Variants in ATF6 observed in about 807,000 individuals in gnomAD.
The protein encoded by ATF6 is cyclic AMP-dependent transcription factor ATF-6 alpha.
A neutral mutation model predicts 83.6 loss-of-function variants in ATF6; 53 were observed. The ratio of observed to expected loss-of-function variants is 0.63; its 90% CI spans 0.51 to 0.80. The LOEUF is 0.80. ATF6 is among the 30% of genes least tolerant of loss of function. The probability of loss-of-function intolerance (pLI) is 0.00; values close to 1 mark genes in which losing one functional copy is unlikely to be tolerated. For synonymous variants in ATF6, 288 were observed against 285.8 expected, an observed-to-expected ratio of 1.01 and a Z score of -0.08; for missense variants, 744 against 797.9, an observed-to-expected ratio of 0.93 and a Z score of 0.81.
At chr1:161,766,992 A>C (rs1351950126) in intron 1 of ATF6, among the ~76,000 whole-genome samples, 2 of 152,186 alleles carry the variant, frequency 1.3e-5, no homozygotes, top group African/African-American at 4.8e-5. Context: ...CTTATGGTGT[A>C]ATCCTGACTG....
chr1:161,879,383 T>C (rs1687280460), intron 14 of ATF6, among the ~76,000 whole-genome samples: 2 of 152,090 alleles, frequency 1.3e-5, no homozygotes, highest in South Asian at 4.1e-4. Context: ...GTCAAATCTC[T>C]GCAACAGAAT....
At chr1:161,851,141 TACACACACACACAC>T (rs35398462) in intron 10 of ATF6, among the ~76,000 whole-genome samples, 3 of 135,872 alleles carry the variant, frequency 2.2e-5, no homozygotes, top group African/African-American at 8.6e-5. Flanking sequence ...ATCCTTAACA[TACACACACACACAC>T]ACACACACAC....
intron 8 of ATF6, among the ~76,000 whole-genome samples, chr1:161,820,047 T>G (rs116481439): frequency 0.013 from 1,980 of 152,306 alleles, 48 homozygotes; most frequent in African/African-American, 0.044. Flanking sequence ...CCTAGGTTTC[T>G]CCTCATTCAT....
chr1:161,877,031 G>A (rs1023099906), intron 14 of ATF6, among the ~76,000 whole-genome samples: 2 of 151,988 alleles, frequency 1.3e-5, no homozygotes, highest in Non-Finnish European at 2.9e-5. Context: ...CTTCTTTGTT[G>A]TATTTAGATA....
At chr1:161,913,846 A>G (rs979169534) in intron 15 of ATF6, among the ~76,000 whole-genome samples, 2 of 152,232 alleles carry the variant, frequency 1.3e-5, no homozygotes, top group African/African-American at 4.8e-5. Context: ...AAGCTTTATC[A>G]AGGCAGAATT....
chr1:161,916,533 A>T (rs1688104786), intron 15 of ATF6, among the ~76,000 whole-genome samples: 1 of 152,210 alleles, frequency 6.6e-6, no homozygotes. Context: ...ACTAAAAAAA[A>T]TTTAACATTG....
At chr1:161,820,616 T>C (rs189281738) in intron 8 of ATF6, among the ~76,000 whole-genome samples, 2 of 152,128 alleles carry the variant, frequency 1.3e-5, no homozygotes, top group African/African-American at 4.8e-5. Context: ...CTGGGTGTAG[T>C]GCACACCTGT....
At chr1:161,821,032 G>A in intron 8 of ATF6, 38 bp from the exon 9 acceptor site, 4 of 1,426,184 alleles carry the variant, frequency 2.8e-6, no homozygotes, top group African/African-American at 2.9e-5. Flanking sequence ...TGAAATCGAT[G>A]TTAGTTTAAT....
At chr1:161,808,869 T>C (rs1685371536) in intron 7 of ATF6, among the ~76,000 whole-genome samples, 1 of 151,968 alleles carries the variant, frequency 6.6e-6, no homozygotes, top group Admixed American at 6.6e-5. Context: ...CCATGCCTGG[T>C]CTTTTTCTTA....
In ATF6 at chr1:161,846,566, G is replaced by C. The variant is rs1686492070; in HGVS notation, c.1305G>C (p.Gln435His). Residue 435 changes from glutamine (Q) to histidine (H), a missense_variant, in exon 10 of 16, where the codon CAG becomes CAC. Physicochemically the swap from Gln to His is conservative, Grantham distance 24. Coordinates refer to ENST00000367942, the MANE Select transcript of ATF6 (RefSeq NM_007348.4). ...EAQDTSDGIIQKNSYRYDHSV... is the reference protein window; with the variant it reads ...EAQDTSDGIIHKNSYRYDHSV... ...AGGACACATCAGATGGTATTATCCAGAAAAACAGCTACAGGTAAGATGGCA... is the reference window on the plus strand; with the variant it reads ...AGGACACATCAGATGGTATTATCCACAAAAACAGCTACAGGTAAGATGGCA... The C allele has an allele frequency of 6.3e-7, 1 of 1,598,960 alleles. No homozygotes were observed. The highest frequency in any genetic ancestry group is 1.3e-5 in the African/African-American group (1 of 74,098).
intron 7 of ATF6, among the ~76,000 whole-genome samples, chr1:161,813,411 G>C (rs1462166400): frequency 6.6e-6 from 1 of 152,124 alleles, no homozygotes; most frequent in Non-Finnish European, 1.5e-5. Flanking sequence ...ATCAGCCCCA[G>C]AATTATTTTG....
intron 9 of ATF6, among the ~76,000 whole-genome samples, chr1:161,825,457 C>T (rs1685871915): frequency 6.6e-6 from 1 of 152,186 alleles, no homozygotes; most frequent in African/African-American, 2.4e-5. Flanking sequence ...CAGGTTGTGA[C>T]CTGTAACTTC....
At chr1:161,904,800 G>C (rs1687851697) in intron 14 of ATF6, among the ~76,000 whole-genome samples, 1 of 152,090 alleles carries the variant, frequency 6.6e-6, no homozygotes, top group Non-Finnish European at 1.5e-5. Flanking sequence ...CTTTAACTAG[G>C]ATTGCAGCTG....
rs1008535747 is a variant in ATF6, at chr1:161,838,188, A to G, written c.1188-8261A>G. 5.3e-5 allele frequency among the ~76,000 whole-genome samples: 8 copies of G among 152,234 alleles called. No homozygotes were observed. The East Asian group carries it at 1.5e-3, about 29-fold the overall frequency. On this transcript the variant is annotated intron_variant, in intron 9 of 15. Transcript: ENST00000367942. ...AACAGAAAAGAGAGATTGTACTCAA[A>G]TTTACAGCCATGTTTTTTGACATTT...
At chr1:161,929,335 A>G (rs1688386787) in intron 15 of ATF6, among the ~76,000 whole-genome samples, 1 of 152,162 alleles carries the variant, frequency 6.6e-6, no homozygotes, top group Non-Finnish European at 1.5e-5. Flanking sequence ...TACATCAGTG[A>G]TAGTGCTGAT....
At chr1:161,791,377 C>T in intron 4 of ATF6, 31 bp from the exon 5 acceptor site, 2 of 1,579,504 alleles carry the variant, frequency 1.3e-6, no homozygotes, top group African/African-American at 1.4e-5. Flanking sequence ...AAGGATTATA[C>T]TCATTAATTT....
At chr1:161,872,493 G>C (rs537842468) in intron 14 of ATF6, among the ~76,000 whole-genome samples, 1 of 151,526 alleles carries the variant, frequency 6.6e-6, no homozygotes, top group Admixed American at 6.6e-5. Context: ...TAGTGTAGGA[G>C]GAACAAGAGC....
intron 14 of ATF6, among the ~76,000 whole-genome samples, chr1:161,888,293 A>G (rs891688041): frequency 7.2e-5 from 11 of 152,244 alleles, no homozygotes; most frequent in African/African-American, 1.2e-4. Flanking sequence ...GTTAAACCGT[A>G]TATACCATTG....
chr1:161,836,968 A>G (rs1174363111), intron 9 of ATF6, among the ~76,000 whole-genome samples: 1 of 152,226 alleles, frequency 6.6e-6, no homozygotes, highest in Non-Finnish European at 1.5e-5. Flanking sequence ...TAAGTTGAGT[A>G]CTTCGATATG....
Sources: gnomAD v4.1 joint callset for allele counts (sites outside exome capture counted in the v4.1 genomes callset) on GRCh38, gnomAD v4.1.1 for gene constraint, MANE v1.5 for transcripts, NCBI Gene and HGNC (gene_info 2026-07-23, HGNC 2026-07-21) for gene names.